Variants in ATRNL1 observed in about 807,000 individuals in gnomAD.
ATRNL1 encodes attractin-like protein 1.
Under a neutral mutation model 182.7 loss-of-function variants are expected in ATRNL1, and 95 were observed. That is an observed-to-expected ratio of 0.52 (90% CI 0.44 to 0.62). The LOEUF (loss-of-function observed/expected upper bound fraction) is 0.62, where lower values mean the gene tolerates loss of function less well. ATRNL1 is among the 20% of genes least tolerant of loss of function. The pLI is 0.00. For missense variants in ATRNL1, 1,471 were observed against 1,679.5 expected (o/e 0.88, Z 2.17); for synonymous variants, 576 against 568.3 (o/e 1.01, Z -0.19).
At chr10:115,429,957 G>C (rs1283060408) in intron 21 of ATRNL1, among the ~76,000 whole-genome samples, 2 of 152,266 alleles carry the variant, frequency 1.3e-5, no homozygotes, top group South Asian at 2.1e-4. Flanking sequence ...TGTAGTCCCA[G>C]CTACTCCGGA....
At chr10:115,528,752 T>A (rs562957072) in intron 25 of ATRNL1, among the ~76,000 whole-genome samples, 4 of 152,160 alleles carry the variant, frequency 2.6e-5, no homozygotes, top group Non-Finnish European at 4.4e-5. Context: ...TTTTTTAGTA[T>A]GTTTATAACT....
At chr10:115,279,791 T>C (rs1334642431) in intron 13 of ATRNL1, among the ~76,000 whole-genome samples, 1 of 152,182 alleles carries the variant, frequency 6.6e-6, no homozygotes, top group Non-Finnish European at 1.5e-5. Context: ...TTATTGGAAA[T>C]AATCATGACA....
chr10:115,114,885 T>C lies in ATRNL1; in HGVS notation c.294-5300T>C, dbSNP rs1232883576. On this transcript the variant is annotated intron_variant, in intron 1 of 28. Transcript: ENST00000355044. ...CATATGATCCAGCAGTCTGAGTATA[T>C]ATCCAAAGGAATTGGAATCAGTATG... is the stretch of plus-strand genomic sequence containing the variant. Among the ~76,000 whole-genome samples the C allele has an allele frequency of 3.9e-5, 6 of 151,988 alleles. No individual in the cohort carries two copies. In the East Asian group the frequency reaches 1.2e-3, roughly 29 times the overall value.
chr10:115,615,700 C>T (rs2133789979), intron 26 of ATRNL1, among the ~76,000 whole-genome samples: 1 of 152,224 alleles, frequency 6.6e-6, no homozygotes, highest in Non-Finnish European at 1.5e-5. Flanking sequence ...AAATGTGTAG[C>T]ACCTCCTCGC....
intron 28 of ATRNL1, among the ~76,000 whole-genome samples, chr10:115,906,156 T>A (rs1469225462): frequency 6.6e-6 from 1 of 152,224 alleles, no homozygotes. Flanking sequence ...AAATATTTAC[T>A]GTTATGACTG....
At chr10:115,869,089 A>C (rs1192984624) in intron 28 of ATRNL1, among the ~76,000 whole-genome samples, 3 of 152,050 alleles carry the variant, frequency 2.0e-5, no homozygotes, top group Non-Finnish European at 2.9e-5. Context: ...TCGGCCTCCC[A>C]AAGTGCTGGG....
intron 8 of ATRNL1, among the ~76,000 whole-genome samples, chr10:115,214,370 G>A (rs1268756387): frequency 6.6e-6 from 1 of 151,572 alleles, no homozygotes; most frequent in African/African-American, 2.4e-5. Context: ...TTTCTGATAA[G>A]TTGTCTTTTA....
At chr10:115,388,740 T>C (rs780101309) in intron 19 of ATRNL1, among the ~76,000 whole-genome samples, 4 of 152,066 alleles carry the variant, frequency 2.6e-5, no homozygotes, top group Non-Finnish European at 5.9e-5. Context: ...TAAAAAATAA[T>C]ATTTACATTC....
chr10:115,450,813 G>C (rs1415513693), intron 21 of ATRNL1, among the ~76,000 whole-genome samples: 1 of 152,122 alleles, frequency 6.6e-6, no homozygotes. Flanking sequence ...AGCCTGAATA[G>C]CCAAGGCAAT....
chr10:115,504,817 C>A (rs146269848), intron 24 of ATRNL1, among the ~76,000 whole-genome samples: 1,598 of 151,970 alleles, frequency 0.011, 20 homozygotes, highest in Non-Finnish European at 0.013. Flanking sequence ...AATTAGAGAT[C>A]TTTTATATAT....
intron 24 of ATRNL1, among the ~76,000 whole-genome samples, chr10:115,510,922 A>G (rs192156841): frequency 6.6e-6 from 1 of 152,112 alleles, no homozygotes; most frequent in East Asian, 1.9e-4. Flanking sequence ...GCACTTTGTC[A>G]GTTAAGTTTG....
intron 21 of ATRNL1, among the ~76,000 whole-genome samples, chr10:115,455,619 G>A (rs1554968548): frequency 2.0e-5 from 3 of 152,070 alleles, no homozygotes; most frequent in Non-Finnish European, 2.9e-5. Context: ...TGCAACAAAA[G>A]CCAAAATTGA....
chr10:115,337,529 T>A (rs1855549441), intron 19 of ATRNL1, among the ~76,000 whole-genome samples: 1 of 152,076 alleles, frequency 6.6e-6, no homozygotes, highest in South Asian at 2.1e-4. Flanking sequence ...CATCCCTACC[T>A]TCTCCCCAGC....
At chr10:115,751,274 C>T (rs1207857881) in intron 27 of ATRNL1, among the ~76,000 whole-genome samples, 1 of 152,028 alleles carries the variant, frequency 6.6e-6, no homozygotes, top group Non-Finnish European at 1.5e-5. Context: ...CTCCTGGAGC[C>T]TCTGAAAGGA....
At chr10:115,559,454 A>ACACGCG (rs113798365) in intron 26 of ATRNL1, among the ~76,000 whole-genome samples, 9,293 of 135,354 alleles carry the variant, frequency 0.069, 894 homozygotes, top group African/African-American at 0.23. Flanking sequence ...GCGCGCGCGC[A>ACACGCG]CGCACGCACA....
chr10:115,273,849 G>A (rs1272138651), intron 13 of ATRNL1, among the ~76,000 whole-genome samples: 7 of 152,154 alleles, frequency 4.6e-5, no homozygotes, highest in Non-Finnish European at 7.4e-5. Context: ...CTCCTTCAGG[G>A]CCTCCTTGAG....
chr10:115,215,840 G>T lies in ATRNL1; in HGVS notation c.1492G>T (p.Val498Phe). The T allele has an allele frequency of 1.3e-6, 2 of 1,585,682 alleles. No homozygotes were observed. Among genetic ancestry groups the T allele is most frequent in the Non-Finnish European group, 1.7e-6 (2 of 1,170,522 alleles). Residue 498 changes from valine (V) to phenylalanine (F), a missense_variant, in exon 9 of 29, where the codon GTT (valine) becomes TTT (phenylalanine). Physicochemically the swap from Val to Phe is conservative, Grantham distance 50. Transcript: ENST00000355044. ...KALPGNKYGL[V>F]DDLYKYEVNT... ...ATTGCCAGGGAACAAATATGGATTGGTTGATGATCTTTATAAATATGAAGT... is the reference window on the plus strand; with the variant it reads ...ATTGCCAGGGAACAAATATGGATTGTTTGATGATCTTTATAAATATGAAGT...
chr10:115,301,087 G>T (rs1180707248), intron 16 of ATRNL1, among the ~76,000 whole-genome samples: 1 of 152,028 alleles, frequency 6.6e-6, no homozygotes, highest in African/African-American at 2.4e-5. Context: ...CCTTTTTAAG[G>T]TTGACCAATA....
chr10:115,189,214 C>T (rs1229438081), intron 8 of ATRNL1, among the ~76,000 whole-genome samples: 4 of 151,458 alleles, frequency 2.6e-5, no homozygotes, highest in African/African-American at 9.7e-5. Flanking sequence ...CACTGCCAGT[C>T]GTACAGAAGT....
Sources: gnomAD v4.1 joint callset for allele counts (sites outside exome capture counted in the v4.1 genomes callset) on GRCh38, gnomAD v4.1.1 for gene constraint, MANE v1.5 for transcripts, NCBI Gene and HGNC (gene_info 2026-07-23, HGNC 2026-07-21) for gene names.